Variants in CNTN5 observed in about 807,000 individuals in gnomAD.
CNTN5 encodes contactin-5.
A neutral mutation model predicts 129.1 loss-of-function variants in CNTN5; 77 were observed. That is an observed-to-expected ratio of 0.60 (90% confidence interval 0.50 to 0.72). The LOEUF (loss-of-function observed/expected upper bound fraction) is 0.72. CNTN5 is among the 30% of genes least tolerant of loss of function. The pLI is 0.00. For missense variants in CNTN5, 1,478 were observed against 1,328.8 expected (o/e 1.11, Z -1.75); for synonymous variants, 509 against 465.6 (o/e 1.09, Z -1.20).
chr11:99,430,825 G>A (rs1215348260), intron 2 of CNTN5, among the ~76,000 whole-genome samples: 1 of 152,052 alleles, frequency 6.6e-6, no homozygotes, highest in African/African-American at 2.4e-5. Context: ...CCAAACCCAG[G>A]CTGCCTTAGT....
intron 1 of CNTN5, among the ~76,000 whole-genome samples, chr11:99,120,691 G>C (rs1413072443): frequency 6.6e-6 from 1 of 152,016 alleles, no homozygotes; most frequent in Non-Finnish European, 1.5e-5. Context: ...TAATCTGAAG[G>C]TCACACAAGG....
At chr11:99,343,582 T>C (rs111616510) in intron 2 of CNTN5, among the ~76,000 whole-genome samples, 8 of 152,300 alleles carry the variant, frequency 5.3e-5, no homozygotes, top group African/African-American at 1.9e-4. Flanking sequence ...ATCTGAAAAA[T>C]TTATATTATT....
intron 3 of CNTN5, among the ~76,000 whole-genome samples, chr11:99,595,325 T>G (rs965217791): frequency 2.7e-5 from 4 of 150,832 alleles, no homozygotes; most frequent in African/African-American, 9.8e-5. Context: ...ACCCCATAAA[T>G]ATGTACAATT....
intron 2 of CNTN5, among the ~76,000 whole-genome samples, chr11:99,347,153 G>T (rs1171822545): frequency 6.6e-6 from 1 of 152,150 alleles, no homozygotes; most frequent in African/African-American, 2.4e-5. Flanking sequence ...AGTAGTCCTT[G>T]TGTCCCAGAG....
At position 100,090,501 on chromosome 11, in the gene CNTN5, T is replaced by TCCTCCCTCCCTTCCCTCCCTCCCTCCCTC. The variant is rs1555004280; in HGVS notation, c.1580+16218_1580+16219insTCCCTCCCTCCCTCCCTCCCTCCCTCCCT. 4.5e-5 allele frequency among the ~76,000 whole-genome samples: 2 copies of TCCTCCCTCCCTTCCCTCCCTCCCTCCCTC among 44,056 alleles called. 1 individual carries two copies. The highest frequency in any genetic ancestry group is 2.7e-4 in the African/African-American group (2 of 7,316). The allele number at this position is 44,056 out of a possible 152,430, so 28.9% of individuals were successfully genotyped here. A position where few individuals can be genotyped will look rare whatever the true frequency, so the allele number is the denominator to read the frequency against. ...TCTTTCCCTCCCTCCTTTCCTCCTT[T>TCCTCCCTCCCTTCCCTCCCTCCCTCCCTC]CCTCCCTCCCTCCCTCCCTCCCTCC... On this transcript the variant is annotated intron_variant, in intron 13 of 24. Coordinates refer to ENST00000524871, the MANE Select transcript of CNTN5 (RefSeq NM_014361.4).
At chr11:99,459,704 C>A (rs536652168) in intron 2 of CNTN5, among the ~76,000 whole-genome samples, 16 of 152,022 alleles carry the variant, frequency 1.1e-4, no homozygotes, top group African/African-American at 3.6e-4. Flanking sequence ...ACCTCTGTAA[C>A]CTAATGAAGC....
Position 99,689,482 on chromosome 11 carries a change from G to A in CNTN5, c.56-130062G>A, listed in dbSNP as rs565658733. ...GTGGAGCTTGCAGTGAGCCGAGGTC[G>A]CGCCACTGCACTCTACCCTGGGCGA... is the stretch of plus-strand genomic sequence containing the variant. On this transcript the variant is annotated intron_variant, in intron 3 of 24. Coordinates refer to ENST00000524871, the MANE Select transcript of CNTN5 (RefSeq NM_014361.4). 1.4e-3 allele frequency among the ~76,000 whole-genome samples: 185 copies of A among 134,714 alleles called. 1 individual carries two copies. Among genetic ancestry groups the A allele is most frequent in the African/African-American group, 4.6e-3 (164 of 35,652 alleles). The allele number at this position is 134,714 out of a possible 152,430, so 88.4% of individuals were successfully genotyped here. A position where few individuals can be genotyped will look rare whatever the true frequency, so the allele number is the denominator to read the frequency against.
chr11:99,217,603 G>C (rs991411883), intron 1 of CNTN5, among the ~76,000 whole-genome samples: 5 of 152,166 alleles, frequency 3.3e-5, no homozygotes, highest in Admixed American at 3.3e-4. Context: ...GTCTGAGTTA[G>C]ACAAGTCTTT....
chr11:99,033,690 G>A (rs1325436186), intron 1 of CNTN5, among the ~76,000 whole-genome samples: 1 of 151,282 alleles, frequency 6.6e-6, no homozygotes, highest in Non-Finnish European at 1.5e-5. Context: ...GGGTTTTCTA[G>A]ATATACAATC....
At chr11:99,997,986 G>A (rs991993559) in intron 8 of CNTN5, among the ~76,000 whole-genome samples, 45 of 152,170 alleles carry the variant, frequency 3.0e-4, no homozygotes, top group Non-Finnish European at 4.9e-4. Flanking sequence ...AATAAATTAG[G>A]GATTGATGGG....
chr11:99,376,120 A>G (rs977194774), intron 2 of CNTN5, among the ~76,000 whole-genome samples: 3 of 152,302 alleles, frequency 2.0e-5, no homozygotes, highest in African/African-American at 7.2e-5. Flanking sequence ...AGGAACAAAT[A>G]TTATTGTACG....
chr11:99,859,534 GT>G (rs1591322906), intron 6 of CNTN5, among the ~76,000 whole-genome samples: 1 of 152,058 alleles, frequency 6.6e-6, no homozygotes, highest in East Asian at 1.9e-4. Context: ...TCTAGTTTCT[GT>G]TTTTGCCCTC....
At chr11:100,077,802 G>C (rs1944193409) in intron 13 of CNTN5, among the ~76,000 whole-genome samples, 1 of 151,908 alleles carries the variant, frequency 6.6e-6, no homozygotes, top group African/African-American at 2.4e-5. Flanking sequence ...ATACCACTGA[G>C]CTCCAGCCTG....
Position 99,665,553 on chromosome 11 carries a change from T to A in CNTN5, c.55+109284T>A, listed in dbSNP as rs534960392. 2.0e-5 allele frequency among the ~76,000 whole-genome samples: 3 copies of A among 150,478 alleles called. No homozygotes were observed. In the East Asian group the frequency reaches 5.9e-4, roughly 29 times the overall value. On this transcript the variant is annotated intron_variant, in intron 3 of 24. Coordinates refer to ENST00000524871, the MANE Select transcript of CNTN5 (RefSeq NM_014361.4). The stretch of plus-strand genomic sequence containing the variant: ...CAGGCTGGAGTGCAATGGCGTGATC[T>A]TGGCTCACTGCAACCTCCACCTCCT...
chr11:99,628,626 A>ACC (rs1308271359), intron 3 of CNTN5, among the ~76,000 whole-genome samples: 1 of 151,376 alleles, frequency 6.6e-6, no homozygotes, highest in African/African-American at 2.4e-5. Flanking sequence ...ACACACACAC[A>ACC]CACACACACA....
intron 1 of CNTN5, among the ~76,000 whole-genome samples, chr11:99,267,989 C>A (rs994968570): frequency 1.3e-5 from 2 of 150,672 alleles, no homozygotes; most frequent in African/African-American, 4.9e-5. Context: ...TGTTTGGGTG[C>A]AAGTTGAACC....
intron 13 of CNTN5, among the ~76,000 whole-genome samples, chr11:100,111,932 T>C (rs1945670479): frequency 6.6e-6 from 1 of 152,210 alleles, no homozygotes; most frequent in African/African-American, 2.4e-5. Context: ...TCTTAACATA[T>C]CTCTTTTTCT....
chr11:100,120,600 G>GA (rs925819373), intron 13 of CNTN5, among the ~76,000 whole-genome samples: 42 of 151,922 alleles, frequency 2.8e-4, no homozygotes, highest in African/African-American at 1.0e-3. Context: ...TTTGGGGGAA[G>GA]AAAAAATAAG....
At chr11:100,284,521 CA>C (rs201030161) in intron 18 of CNTN5, among the ~76,000 whole-genome samples, 2 of 151,408 alleles carry the variant, frequency 1.3e-5, no homozygotes, top group East Asian at 1.9e-4. Context: ...ACACTCAGGA[CA>C]AAAAAAATCA....
Sources: allele counts gnomAD v4.1 joint callset (sites outside exome capture counted in the v4.1 genomes callset), GRCh38; gene constraint gnomAD v4.1.1; transcripts MANE v1.5; gene names NCBI Gene and HGNC (gene_info 2026-07-23, HGNC 2026-07-21).